The following PCDH7 variants were observed in gnomAD, a reference collection of about 807,000 sequenced individuals.
PCDH7 encodes protocadherin 7.
Under a neutral mutation model 58.9 loss-of-function variants are expected in PCDH7, and 17 were observed. The observed-to-expected ratio is 0.29, with a 90% CI of 0.20 to 0.43. The LOEUF is 0.43. Ranked by LOEUF, PCDH7 falls within the 20% of genes least tolerant of loss-of-function variation. PCDH7 has a pLI of 1.00. For missense variants in PCDH7, 1,274 were observed against 1,441.0 expected (o/e 0.88, Z 1.88); for synonymous variants, 664 against 616.4 (o/e 1.08, Z -1.14).
At chr4:30,827,266 T>C (rs1008146834) in intron 1 of PCDH7, among the ~76,000 whole-genome samples, 2 of 152,184 alleles carry the variant, frequency 1.3e-5, no homozygotes, top group African/African-American at 4.8e-5. Context: ...CTTTATTAAA[T>C]AGATATTGCA....
chr4:31,067,712 A>G (rs1758206882), intron 3 of PCDH7, among the ~76,000 whole-genome samples: 1 of 152,028 alleles, frequency 6.6e-6, no homozygotes, highest in Non-Finnish European at 1.5e-5. Flanking sequence ...TCATTCATTT[A>G]TGAGCGCATA....
intron 1 of PCDH7, among the ~76,000 whole-genome samples, chr4:30,800,726 G>C (rs745387348): frequency 1.3e-5 from 2 of 152,200 alleles, no homozygotes; most frequent in Non-Finnish European, 2.9e-5. Context: ...CATGAACAAA[G>C]TCAAGAGGTA....
In PCDH7 at chr4:31,028,088, G is replaced by T. The variant is rs960185395; in HGVS notation, c.*7+77873G>T. On this transcript the variant is annotated intron_variant, in intron 3 of 3. Coordinates refer to the PCDH7 transcript ENST00000509759. ...TTTTTAATACAAGAGAAATACTCTA[G>T]AAAGTATTCTTAGGTAAGCCAAATT... 3.9e-5 allele frequency among the ~76,000 whole-genome samples: 6 copies of T among 152,004 alleles called. No homozygotes were observed. The South Asian group carries it at 6.2e-4, about 16-fold the overall frequency.
At chr4:30,804,462 C>T (rs2109308546) in intron 1 of PCDH7, among the ~76,000 whole-genome samples, 1 of 151,724 alleles carries the variant, frequency 6.6e-6, no homozygotes, top group African/African-American at 2.4e-5. Flanking sequence ...TCGCTTGGAC[C>T]TGGGAGGCAG....
At chr4:30,949,020 A>G (rs1747044609) in intron 2 of PCDH7, among the ~76,000 whole-genome samples, 1 of 152,166 alleles carries the variant, frequency 6.6e-6, no homozygotes, top group Non-Finnish European at 1.5e-5. Context: ...AGAAACAAGA[A>G]TGCAAACACG....
At chr4:30,895,423 G>C (rs1376563617) in intron 1 of PCDH7, among the ~76,000 whole-genome samples, 1 of 152,150 alleles carries the variant, frequency 6.6e-6, no homozygotes, top group Non-Finnish European at 1.5e-5. Context: ...TCTGAGCAGT[G>C]TGGCTATAGG....
chr4:30,835,298 C>G (rs563166965), intron 1 of PCDH7, among the ~76,000 whole-genome samples: 1 of 152,236 alleles, frequency 6.6e-6, no homozygotes, highest in Admixed American at 6.5e-5. Flanking sequence ...CACAGGCAAG[C>G]GAGCATTACT....
intron 3 of PCDH7, among the ~76,000 whole-genome samples, chr4:31,113,666 T>C (rs1437220245): frequency 6.6e-6 from 1 of 152,098 alleles, no homozygotes; most frequent in Non-Finnish European, 1.5e-5. Context: ...ATTATCTTTA[T>C]ACATTTTCAG....
At chr4:30,825,670 T>TG (rs1484586132) in intron 1 of PCDH7, among the ~76,000 whole-genome samples, 1 of 152,134 alleles carries the variant, frequency 6.6e-6, no homozygotes, top group African/African-American at 2.4e-5. Context: ...TGACAAGGAA[T>TG]GGGTCAAAAT....
rs147253101 is a variant in PCDH7 at position 30,720,520 on chromosome 4, C to T, written c.-903C>T. 6.9e-3 allele frequency: 1,048 copies of T among 152,788 alleles called. 35 individuals carry two copies. Among genetic ancestry groups the T allele is most frequent in the Admixed American group, 0.051 (787 of 15,302 alleles). The allele number at this position is 152,788 out of a possible 1,614,324, so 9.5% of individuals were successfully genotyped here. On this transcript the variant is annotated 5_prime_UTR_variant, in exon 1 of 2. Coordinates refer to ENST00000361762, the Ensembl canonical transcript of PCDH7. The surrounding 1 kb of genome is among the most constrained non-coding windows in gnomAD (Gnocchi z 4.7). The stretch of plus-strand genomic sequence containing the variant: ...CGCCCCCGTGGGCGAAAGGCTGCTG[C>T]GGTTTCAGGCGGCTGCTTCGTGACT...
intron 1 of PCDH7, among the ~76,000 whole-genome samples, chr4:30,867,677 C>A (rs930139517): frequency 6.6e-6 from 1 of 151,920 alleles, no homozygotes; most frequent in Non-Finnish European, 1.5e-5. Context: ...TCACTGGTGC[C>A]GCCACTTCCT....
chr4:31,145,788 A>T (rs1434691429), downstream of PCDH7: 6 of 152,080 alleles, frequency 3.9e-5, no homozygotes, highest in African/African-American at 9.7e-5. Context: ...TAACACAGAG[A>T]TACTATCAGG....
chr4:31,036,694 T>C (rs753374694), intron 3 of PCDH7, among the ~76,000 whole-genome samples: 8 of 152,242 alleles, frequency 5.3e-5, no homozygotes, highest in African/African-American at 9.6e-5. Context: ...TAGCATACTC[T>C]GTTGTGCTTG....
intron 3 of PCDH7, among the ~76,000 whole-genome samples, chr4:31,005,800 C>G (rs2109144060): frequency 6.6e-6 from 1 of 152,254 alleles, no homozygotes; most frequent in South Asian, 2.1e-4. Context: ...TAATTAAAGT[C>G]AATTTAAATT....
At chr4:30,968,499 A>G (rs13101333) in intron 3 of PCDH7, among the ~76,000 whole-genome samples, 90,596 of 147,602 alleles carry the variant, frequency 0.61, 29,049 homozygotes, top group African/African-American at 0.81. Flanking sequence ...AGCAGAGCAC[A>G]TGATCAGAAT....
intron 1 of PCDH7, among the ~76,000 whole-genome samples, chr4:30,728,224 G>C (rs1431916106): frequency 2.0e-5 from 3 of 148,114 alleles, no homozygotes; most frequent in Non-Finnish European, 4.5e-5. Flanking sequence ...TAAGCAATAA[G>C]AAAACTAAAT....
At chr4:31,033,763 A>T (rs181718810) in intron 3 of PCDH7, among the ~76,000 whole-genome samples, 2 of 152,236 alleles carry the variant, frequency 1.3e-5, no homozygotes, top group East Asian at 3.9e-4. Flanking sequence ...TTTTATACTC[A>T]GTTGCTACTT....
intron 1 of PCDH7, 157 bp downstream of exon 1, chr4:30,724,753 G>A: frequency 1.4e-6 from 2 of 1,446,758 alleles, no homozygotes; most frequent in Non-Finnish European, 1.8e-6. Context: ...ATTTAGCAAA[G>A]GCCATCTACA....
intron 3 of PCDH7, among the ~76,000 whole-genome samples, chr4:30,959,916 G>A (rs535983001): frequency 6.1e-4 from 93 of 152,032 alleles, no homozygotes; most frequent in Non-Finnish European, 3.4e-4. Flanking sequence ...ATGAGTAAGC[G>A]TCTGGGAGAG....
Sources: allele counts gnomAD v4.1 joint callset (sites outside exome capture counted in the v4.1 genomes callset), GRCh38; gene constraint gnomAD v4.1.1; non-coding constraint Gnocchi (gnomAD v3.1); transcripts MANE v1.5; gene names NCBI Gene and HGNC (gene_info 2026-07-23, HGNC 2026-07-21).